CREB5: variants seen among roughly 807,000 people sequenced by gnomAD.
The protein encoded by CREB5 is cyclic AMP-responsive element-binding protein 5.
In CREB5, 19 loss-of-function variants were observed where a neutral mutation model predicts 57.1. That is an observed-to-expected ratio of 0.33 (90% CI 0.23 to 0.49). The LOEUF is 0.49. Among genes scored for constraint, CREB5 ranks in the 20% least tolerant of loss-of-function variants. The pLI is 0.99. For missense variants in CREB5, 579 were observed against 671.6 expected (o/e 0.86, Z 1.52); for synonymous variants, 238 against 238.3 (o/e 1.00, Z 0.01).
In CREB5 at chr7:28,497,426, T is replaced by C. The variant is rs558219118; in HGVS notation, c.169+2427T>C. ...AATATTATTTGGGGAAAAGTAATTCTAATTTTTATTATGTCAAATTTGGAA... is the reference window on the plus strand; with the variant it reads ...AATATTATTTGGGGAAAAGTAATTCCAATTTTTATTATGTCAAATTTGGAA... On this transcript the variant is annotated intron_variant, in intron 3 of 10. Transcript: ENST00000357727. Among the ~76,000 whole-genome samples, 5 of 152,294 alleles carry C rather than the reference T, an allele frequency of 3.3e-5. No homozygotes were observed. In the East Asian group the frequency reaches 7.7e-4, roughly 23 times the overall value.
At chr7:28,361,740 G>GT (rs1161613232) in intron 1 of CREB5, among the ~76,000 whole-genome samples, 2 of 152,114 alleles carry the variant, frequency 1.3e-5, no homozygotes, top group Admixed American at 1.3e-4. Context: ...AGTTTGTTCT[G>GT]TTGCTTGCAG....
chr7:28,743,693 G>A (rs572007852), intron 7 of CREB5, among the ~76,000 whole-genome samples: 5 of 152,218 alleles, frequency 3.3e-5, no homozygotes, highest in African/African-American at 1.2e-4. Flanking sequence ...CCAAGATCAA[G>A]GTGTCAGTGG....
intron 5 of CREB5, among the ~76,000 whole-genome samples, chr7:28,664,531 T>G (rs1799736623): frequency 6.6e-6 from 1 of 152,236 alleles, no homozygotes; most frequent in Non-Finnish European, 1.5e-5. Context: ...TGACTTCTCT[T>G]GTGCCTACCG....
At chr7:28,812,002 G>A (rs1406203209) in intron 9 of CREB5, among the ~76,000 whole-genome samples, 1 of 152,172 alleles carries the variant, frequency 6.6e-6, no homozygotes, top group East Asian at 1.9e-4. Context: ...GTTGTGCCCT[G>A]TGCATTGCAG....
intron 5 of CREB5, among the ~76,000 whole-genome samples, chr7:28,590,594 G>A (rs1419368692): frequency 1.3e-5 from 2 of 150,668 alleles, no homozygotes; most frequent in Non-Finnish European, 3.0e-5. Flanking sequence ...GAGTTAATGG[G>A]TGCAGCACAC....
At position 28,673,819 on chromosome 7, in the gene CREB5, G is replaced by A. The variant is rs562325508; in HGVS notation, c.465-44934G>A. 2.1e-4 allele frequency among the ~76,000 whole-genome samples: 32 copies of A among 151,756 alleles called. No individual in the cohort carries two copies. In the South Asian group the frequency reaches 3.5e-3, roughly 17 times the overall value. On this transcript the variant is annotated intron_variant, in intron 5 of 10. Coordinates refer to ENST00000357727, the MANE Select transcript of CREB5 (RefSeq NM_182898.4). Reference sequence around the variant, plus strand: ...CTCCCAAGTAGCTGAGACTACAGGCGTACACCACCACACTCAACTAATTTT... The same window carrying A: ...CTCCCAAGTAGCTGAGACTACAGGCATACACCACCACACTCAACTAATTTT...
At chr7:28,319,481 T>C (rs1785449309) in intron 1 of CREB5, among the ~76,000 whole-genome samples, 1 of 152,330 alleles carries the variant, frequency 6.6e-6, no homozygotes, top group Non-Finnish European at 1.5e-5. Flanking sequence ...ATTTTCTTTG[T>C]TATTCTCTGA....
intron 9 of CREB5, among the ~76,000 whole-genome samples, chr7:28,813,058 A>G (rs2128806955): frequency 6.6e-6 from 1 of 152,322 alleles, no homozygotes; most frequent in East Asian, 1.9e-4. Context: ...CAAAAAAGGT[A>G]TAGGAATTGG....
intron 2 of CREB5, among the ~76,000 whole-genome samples, chr7:28,488,480 C>T (rs1205833939): frequency 2.6e-5 from 4 of 152,208 alleles, no homozygotes; most frequent in African/African-American, 7.2e-5. Context: ...CAGTGTTAGG[C>T]ATTTCTGCCC....
At position 28,681,742 on chromosome 7, in the gene CREB5, T is replaced by C. The variant is rs574304907; in HGVS notation, c.465-37011T>C. Among the ~76,000 whole-genome samples, 4 of 152,330 alleles carry C rather than the reference T, an allele frequency of 2.6e-5. No homozygotes were observed. The East Asian group carries it at 7.7e-4, about 29-fold the overall frequency. On this transcript the variant is annotated intron_variant, in intron 5 of 10. Transcript: ENST00000357727. ...AGAGTAATGGCCACCCTTATCCCAG[T>C]CTGGTAGCCCAGCAAGGAGACCATG...
intron 7 of CREB5, among the ~76,000 whole-genome samples, chr7:28,798,151 C>T (rs1808156870): frequency 6.6e-6 from 1 of 152,158 alleles, no homozygotes; most frequent in African/African-American, 2.4e-5. Context: ...AACCAACAGC[C>T]ATTTATAATT....
chr7:28,311,888 G>A (rs1649141717), intron 1 of CREB5, among the ~76,000 whole-genome samples: 1 of 152,168 alleles, frequency 6.6e-6, no homozygotes, highest in South Asian at 2.1e-4. Context: ...CCTCCCCAGT[G>A]TCGGTCTCCC....
chr7:28,819,451 AGAAAAAAGGGAG>A lies in CREB5; in HGVS notation c.*173_*184del, dbSNP rs1809638794. ...GTTGTCTTTTATACTTAGTTATATA[AGAAAAAAGGGAG>A]TTATGCAATTAATATCTATCAGCTT... On this transcript the variant is annotated 3_prime_UTR_variant, in exon 11 of 11. Transcript: ENST00000357727. The A allele has an allele frequency of 3.1e-6, 2 of 644,002 alleles. No individual in the cohort carries two copies. Among genetic ancestry groups the A allele is most frequent in the Non-Finnish European group, 5.0e-6 (2 of 403,590 alleles). 39.9% of individuals were successfully genotyped at this position (644,002 alleles called of 1,614,324 possible). A position where few individuals can be genotyped will look rare whatever the true frequency, so the allele number is the denominator to read the frequency against.
At chr7:28,373,364 T>C (rs1786753739) in intron 1 of CREB5, among the ~76,000 whole-genome samples, 1 of 152,216 alleles carries the variant, frequency 6.6e-6, no homozygotes, top group South Asian at 2.1e-4. Context: ...AGTTAAAACA[T>C]GTACAGAAGT....
chr7:28,789,959 C>T (rs928907166), intron 7 of CREB5, among the ~76,000 whole-genome samples: 2 of 152,150 alleles, frequency 1.3e-5, no homozygotes, highest in African/African-American at 4.8e-5. Context: ...CAATCTTCCA[C>T]CCCAAGAACA....
chr7:28,315,266 A>G (rs1226039046), intron 1 of CREB5, among the ~76,000 whole-genome samples: 4 of 152,212 alleles, frequency 2.6e-5, no homozygotes, highest in Admixed American at 6.5e-5. Context: ...TGGCATTCCT[A>G]CTATGTTGCC....
intron 7 of CREB5, among the ~76,000 whole-genome samples, chr7:28,802,978 T>C (rs1004524071): frequency 6.6e-6 from 1 of 152,254 alleles, no homozygotes. Flanking sequence ...TGTCTGCAGC[T>C]GCTTTTGCAC....
chr7:28,690,165 C>T (rs1801177257), intron 5 of CREB5, among the ~76,000 whole-genome samples: 1 of 152,162 alleles, frequency 6.6e-6, no homozygotes, highest in Admixed American at 6.5e-5. Context: ...CTGTGTTTTA[C>T]CTTCCCTTGG....
At chr7:28,449,236 G>A (rs192014719) in intron 1 of CREB5, among the ~76,000 whole-genome samples, 1 of 152,292 alleles carries the variant, frequency 6.6e-6, no homozygotes, top group Admixed American at 6.5e-5. Flanking sequence ...GTTTTTGGAA[G>A]TTACTGCTAA....
Sources: gnomAD v4.1 joint callset for allele counts (sites outside exome capture counted in the v4.1 genomes callset) on GRCh38, gnomAD v4.1.1 for gene constraint, MANE v1.5 for transcripts, NCBI Gene and HGNC (gene_info 2026-07-23, HGNC 2026-07-21) for gene names.